Variants in CSMD1 observed in about 807,000 individuals in gnomAD.
CSMD1 encodes CUB and Sushi multiple domains 1, also known as CUB and sushi domain-containing protein 1.
In CSMD1, 213 loss-of-function variants were observed where a neutral mutation model predicts 417.5. That is an observed-to-expected ratio of 0.51 (90% CI 0.46 to 0.57). The LOEUF is 0.57. Ranked by LOEUF, CSMD1 falls within the 20% of genes least tolerant of loss-of-function variation. The pLI, the probability that CSMD1 is intolerant of heterozygous loss-of-function variation, is 0.00. For synonymous variants in CSMD1, 2,862 were observed against 1,736.8 expected, an observed-to-expected ratio of 1.65 and a Z score of -16.11; for missense variants, 6,923 against 4,529.7, an observed-to-expected ratio of 1.53 and a Z score of -15.17.
At chr8:3,497,825 G>T (rs1464266224) in intron 10 of CSMD1, among the ~76,000 whole-genome samples, 1 of 152,122 alleles carries the variant, frequency 6.6e-6, no homozygotes, top group Admixed American at 6.5e-5. Flanking sequence ...TATTTTTGTG[G>T]TTTGGTGGTT....
At chr8:3,517,260 C>G (rs1797319524) in intron 10 of CSMD1, among the ~76,000 whole-genome samples, 1 of 152,126 alleles carries the variant, frequency 6.6e-6, no homozygotes, top group East Asian at 1.9e-4. Context: ...CTTGAAAAGA[C>G]ACAGAGTTGT....
At chr8:4,244,629 A>T (rs1215236258) in intron 3 of CSMD1, among the ~76,000 whole-genome samples, 1 of 152,096 alleles carries the variant, frequency 6.6e-6, no homozygotes, top group Non-Finnish European at 1.5e-5. Flanking sequence ...GAACATGACA[A>T]ATTTCTTCAA....
intron 18 of CSMD1, among the ~76,000 whole-genome samples, chr8:3,384,756 A>T: frequency 7.9e-6 from 1 of 126,312 alleles, no homozygotes; most frequent in African/African-American, 3.0e-5. Flanking sequence ...ATATTTATAT[A>T]AATTATATAA....
intron 3 of CSMD1, among the ~76,000 whole-genome samples, chr8:4,103,736 A>G (rs1801423321): frequency 6.6e-6 from 1 of 152,156 alleles, no homozygotes; most frequent in Non-Finnish European, 1.5e-5. Flanking sequence ...CCAAGACTTG[A>G]TAGTAGGAAA....
At chr8:4,693,477 T>A (rs1431177728) in intron 1 of CSMD1, among the ~76,000 whole-genome samples, 2 of 152,188 alleles carry the variant, frequency 1.3e-5, no homozygotes, top group East Asian at 3.9e-4. Flanking sequence ...TCTAACTATG[T>A]GGGGACATTA....
intron 7 of CSMD1, among the ~76,000 whole-genome samples, chr8:3,629,911 A>G (rs1313137582): frequency 6.6e-6 from 1 of 152,176 alleles, no homozygotes; most frequent in Non-Finnish European, 1.5e-5. Context: ...GTAGATTCAA[A>G]ATTTTCTTGT....
chr8:4,804,136 A>G (rs1293754163), intron 1 of CSMD1, among the ~76,000 whole-genome samples: 2 of 152,110 alleles, frequency 1.3e-5, no homozygotes, highest in Admixed American at 6.5e-5. Context: ...TATTTCCTTT[A>G]TACATCAAAA....
intron 42 of CSMD1, among the ~76,000 whole-genome samples, chr8:3,112,479 T>C (rs1209428686): frequency 1.3e-5 from 2 of 152,202 alleles, no homozygotes; most frequent in South Asian, 2.1e-4. Context: ...GTAGAACACA[T>C]TCCTGATTCC....
chr8:3,983,400 G>C (rs186592165), intron 5 of CSMD1, among the ~76,000 whole-genome samples: 61 of 152,000 alleles, frequency 4.0e-4, no homozygotes, highest in African/African-American at 1.4e-3. Context: ...AAATTGCTGG[G>C]ATTACAGGCG....
chr8:4,445,565 G>C (rs1291861913), intron 2 of CSMD1, among the ~76,000 whole-genome samples: 1 of 152,150 alleles, frequency 6.6e-6, no homozygotes, highest in Non-Finnish European at 1.5e-5. Flanking sequence ...TGGCTTCAAT[G>C]AATTGAAATA....
At chr8:3,355,099 T>C (rs1808695054) in intron 21 of CSMD1, among the ~76,000 whole-genome samples, 1 of 152,078 alleles carries the variant, frequency 6.6e-6, no homozygotes, top group Non-Finnish European at 1.5e-5. Flanking sequence ...TGATATTTTT[T>C]CGTTTTTTAT....
intron 3 of CSMD1, among the ~76,000 whole-genome samples, chr8:4,337,696 T>C (rs552080175): frequency 1.6e-4 from 25 of 152,168 alleles, no homozygotes; most frequent in Non-Finnish European, 3.4e-4. Flanking sequence ...GCATGCCAAC[T>C]TTTAAAAGAG....
intron 2 of CSMD1, among the ~76,000 whole-genome samples, chr8:4,560,753 C>G (rs929881409): frequency 6.6e-6 from 1 of 152,204 alleles, no homozygotes; most frequent in African/African-American, 2.4e-5. Context: ...TTTCCTTCCT[C>G]CTATTCTTCA....
At chr8:4,150,062 G>A (rs772032474) in intron 3 of CSMD1, among the ~76,000 whole-genome samples, 11 of 152,206 alleles carry the variant, frequency 7.2e-5, no homozygotes, top group East Asian at 1.9e-4. Context: ...TGTGGGTGAA[G>A]AAGTTAATGT....
intron 3 of CSMD1, among the ~76,000 whole-genome samples, chr8:4,185,150 A>T (rs1350128165): frequency 2.0e-5 from 3 of 150,890 alleles, no homozygotes; most frequent in South Asian, 4.2e-4. Context: ...AAAAAAAAAA[A>T]AAAAAAAAAA....
intron 7 of CSMD1, among the ~76,000 whole-genome samples, chr8:3,635,467 G>A (rs1008855680): frequency 2.0e-5 from 3 of 150,622 alleles, no homozygotes; most frequent in Non-Finnish European, 4.4e-5. Context: ...CTGGGCAATG[G>A]AGCAAGACTC....
chr8:3,443,784 G>T (rs1490361192), intron 12 of CSMD1, among the ~76,000 whole-genome samples: 1 of 152,204 alleles, frequency 6.6e-6, no homozygotes, highest in Admixed American at 6.5e-5. Context: ...TTGATTGGGA[G>T]ACATGAAGTG....
intron 2 of CSMD1, among the ~76,000 whole-genome samples, chr8:4,615,753 G>A (rs1563336889): frequency 6.6e-6 from 1 of 152,000 alleles, no homozygotes; most frequent in African/African-American, 2.4e-5. Flanking sequence ...AAATAAAATG[G>A]AACTACATTT....
At chr8:4,659,242 G>A (rs1804431665) in intron 1 of CSMD1, among the ~76,000 whole-genome samples, 1 of 145,878 alleles carries the variant, frequency 6.9e-6, no homozygotes, top group Non-Finnish European at 1.5e-5. Context: ...ATGCATAGCT[G>A]CAAATACCAA....
Sources: allele counts gnomAD v4.1 joint callset (sites outside exome capture counted in the v4.1 genomes callset), GRCh38; gene constraint gnomAD v4.1.1; transcripts MANE v1.5; gene names NCBI Gene and HGNC (gene_info 2026-07-23, HGNC 2026-07-21).